Variants in CABCOCO1 observed in about 807,000 individuals in gnomAD.
CABCOCO1 encodes ciliary-associated calcium-binding coiled-coil protein 1.
Under a neutral mutation model 35.7 loss-of-function variants are expected in CABCOCO1, and 28 were observed. The ratio of observed to expected loss-of-function variants is 0.78; its 90% CI spans 0.58 to 1.07. The LOEUF is 1.07. Among genes scored for constraint, CABCOCO1 ranks in the 50% least tolerant of loss-of-function variants. The probability of loss-of-function intolerance (pLI) is 0.00; values close to 1 mark genes in which losing one functional copy is unlikely to be tolerated. For missense variants in CABCOCO1, 326 were observed against 309.2 expected (o/e 1.05, Z -0.41); for synonymous variants, 95 against 100.1 (o/e 0.95, Z 0.30).
intron 2 of CABCOCO1, among the ~76,000 whole-genome samples, chr10:61,673,159 C>T (rs1169613728): frequency 6.6e-6 from 1 of 152,148 alleles, no homozygotes; most frequent in Non-Finnish European, 1.5e-5. Flanking sequence ...TATTTGCCAT[C>T]CACCTGTGAT....
chr10:61,702,520 C>T (rs1199358834), intron 5 of CABCOCO1, among the ~76,000 whole-genome samples: 2 of 152,092 alleles, frequency 1.3e-5, no homozygotes, highest in Non-Finnish European at 2.9e-5. Flanking sequence ...ATAGCTGGCT[C>T]TATCTTGGTG....
intron 5 of CABCOCO1, among the ~76,000 whole-genome samples, chr10:61,722,750 C>CA (rs200237335): frequency 0.014 from 2,133 of 150,428 alleles, 43 homozygotes; most frequent in African/African-American, 0.049. Flanking sequence ...AGCACCAATA[C>CA]AAAAAAATAC....
intron 5 of CABCOCO1, among the ~76,000 whole-genome samples, chr10:61,743,581 T>C (rs921690671): frequency 2.6e-5 from 4 of 152,180 alleles, no homozygotes; most frequent in African/African-American, 9.7e-5. Flanking sequence ...GGAGATTAGA[T>C]GATTTTCCCA....
chr10:61,758,621 G>A (rs919973046), intron 5 of CABCOCO1, among the ~76,000 whole-genome samples: 21 of 151,960 alleles, frequency 1.4e-4, no homozygotes, highest in African/African-American at 4.3e-4. Context: ...ACTTAATGAC[G>A]TATTACAGTT....
At chr10:61,669,021 A>G (rs891135472) in intron 1 of CABCOCO1, among the ~76,000 whole-genome samples, 7 of 53,698 alleles carry the variant, frequency 1.3e-4, no homozygotes, top group East Asian at 3.6e-4. Flanking sequence ...AGGGTTGGGG[A>G]AAAAAAAAAA....
intron 2 of CABCOCO1, among the ~76,000 whole-genome samples, chr10:61,676,344 A>C (rs1350036027): frequency 6.6e-6 from 1 of 152,230 alleles, no homozygotes; most frequent in East Asian, 1.9e-4. Context: ...GAAGCCTGGC[A>C]GTAAGTATGG....
intron 1 of CABCOCO1, among the ~76,000 whole-genome samples, chr10:61,665,653 C>T (rs1191789418): frequency 1.3e-5 from 2 of 151,702 alleles, no homozygotes; most frequent in African/African-American, 2.4e-5. Context: ...TTTGGGAGGC[C>T]GAGGCGGGCG....
rs753742243 is a variant in CABCOCO1 at position 61,663,039 on chromosome 10, C to A, written c.60+7C>A. ...AACCACGCCCGAATCGGAGGTACAC[C>A]GCCCCTTTCCCTTCCCGGTACCGGT... On this transcript the variant is annotated splice_region_variant and intron_variant, in intron 1 of 7. Coordinates refer to ENST00000648843, the MANE Select transcript of CABCOCO1 (RefSeq NM_001366906.2). The A allele has an allele frequency of 1.0e-4, 26 of 249,600 alleles. 1 individual carries two copies. The highest frequency in any genetic ancestry group is 8.1e-4 in the South Asian group (25 of 30,894). 15.5% of individuals were successfully genotyped at this position (249,600 alleles called of 1,614,324 possible).
chr10:61,662,991 C>A lies in CABCOCO1; in HGVS notation c.19C>A (p.Pro7Thr), dbSNP rs1189293447. ...TGCGGCGATGTCGCAGGGGACGACT[C>A]CCTGGGGGCCGACCCCGGCGGGAAC... is the stretch of plus-strand genomic sequence containing the variant. MSQGTT[P>T]WGPTPAGTTP... Residue 7 changes from proline (P) to threonine (T), a missense_variant, in exon 1 of 8, where the codon CCC becomes ACC. Transcript: ENST00000648843. 1 of 381,318 alleles carries A rather than the reference C, an allele frequency of 2.6e-6. No homozygotes were observed. The allele number at this position is 381,318 out of a possible 1,614,324, so 23.6% of individuals were successfully genotyped here.
chr10:61,756,267 C>A lies in CABCOCO1; in HGVS notation c.553-3792C>A, dbSNP rs34933395. On this transcript the variant is annotated intron_variant, in intron 5 of 7. Transcript: ENST00000648843. ...TTAAATAACACTAATGCAATGTGCA[C>A]GTAATGAACAATATAACTAACTTAA... 9.9e-3 allele frequency among the ~76,000 whole-genome samples: 1,499 copies of A among 152,014 alleles called. 16 individuals are homozygous for A. Among genetic ancestry groups the A allele is most frequent in the Non-Finnish European group, 0.016 (1,087 of 67,912 alleles).
intron 1 of CABCOCO1, among the ~76,000 whole-genome samples, chr10:61,670,102 A>T (rs188661270): frequency 1.3e-5 from 2 of 152,282 alleles, no homozygotes; most frequent in East Asian, 1.9e-4. Flanking sequence ...ACCTATGTTG[A>T]CATATCAAGA....
chr10:61,697,065 G>C lies in CABCOCO1; in HGVS notation c.552+6444G>C, dbSNP rs551592971. 2.0e-5 allele frequency among the ~76,000 whole-genome samples: 3 copies of C among 152,156 alleles called. No homozygotes were observed. The South Asian group carries it at 6.2e-4, about 32-fold the overall frequency. ...ACATAGCTGTATTTAGTTGGTGCAA[G>C]GTTAAATTTGTAAAGCCACTGTGGA... is the stretch of plus-strand genomic sequence containing the variant. On this transcript the variant is annotated intron_variant, in intron 5 of 7. Coordinates refer to ENST00000648843, the MANE Select transcript of CABCOCO1 (RefSeq NM_001366906.2).
In CABCOCO1 at chr10:61,672,651, A is replaced by G. The variant is rs1177367932; in HGVS notation, c.80A>G (p.Glu27Gly). The change falls in exon 2 of 8, where the codon GAG (glutamate) becomes GGG (glycine). Residue 27 changes from glutamate to glycine, a missense_variant. Transcript: ENST00000648843. ...TGGTAGAGAGACACTGAATTCCAGG[A>G]GCATGAAAAGATTCTGTCTCCGGAT... ...PESERDTEFQ[E>G]HEKILSPDFL... is the part of the protein sequence containing the mutation. 6.4e-6 allele frequency: 6 copies of G among 941,752 alleles called. No individual in the cohort carries two copies. Among genetic ancestry groups the G allele is most frequent in the Non-Finnish European group, 7.6e-6 (6 of 790,226 alleles). The allele number at this position is 941,752 out of a possible 1,614,324, so 58.3% of individuals were successfully genotyped here. A position where few individuals can be genotyped will look rare whatever the true frequency, so the allele number is the denominator to read the frequency against.
chr10:61,752,800 T>C (rs1259924899), intron 5 of CABCOCO1, among the ~76,000 whole-genome samples: 6 of 152,236 alleles, frequency 3.9e-5, no homozygotes. Context: ...CAAAGCTTTT[T>C]ATTTCTAAAC....
At chr10:61,714,163 T>C (rs1211653860) in intron 5 of CABCOCO1, among the ~76,000 whole-genome samples, 1 of 152,212 alleles carries the variant, frequency 6.6e-6, no homozygotes, top group Non-Finnish European at 1.5e-5. Flanking sequence ...GTTGGTAGGC[T>C]ACTAATTATT....
chr10:61,663,497 T>C (rs1839073159), intron 1 of CABCOCO1, among the ~76,000 whole-genome samples: 1 of 152,192 alleles, frequency 6.6e-6, no homozygotes, highest in Non-Finnish European at 1.5e-5. Context: ...AAAGGTGTCA[T>C]GAAATAATAA....
At chr10:61,730,414 A>T (rs1024915912) in intron 5 of CABCOCO1, among the ~76,000 whole-genome samples, 2 of 152,170 alleles carry the variant, frequency 1.3e-5, no homozygotes, top group African/African-American at 4.8e-5. Flanking sequence ...CACTACAGTT[A>T]TGAATAGGTA....
At chr10:61,682,844 A>T (rs1028246450) in intron 3 of CABCOCO1, among the ~76,000 whole-genome samples, 25 of 151,404 alleles carry the variant, frequency 1.7e-4, no homozygotes, top group Non-Finnish European at 3.2e-4. Context: ...TCTAGAAAGC[A>T]CTATACACAT....
chr10:61,667,447 T>C (rs1199481891), intron 1 of CABCOCO1, among the ~76,000 whole-genome samples: 1 of 151,466 alleles, frequency 6.6e-6, no homozygotes, highest in East Asian at 1.9e-4. Flanking sequence ...AGTTATTTTG[T>C]AAAGTTCCAG....
Sources: allele counts gnomAD v4.1 joint callset (sites outside exome capture counted in the v4.1 genomes callset), GRCh38; gene constraint gnomAD v4.1.1; transcripts MANE v1.5; gene names NCBI Gene and HGNC (gene_info 2026-07-23, HGNC 2026-07-21).